CELF2: variants seen among roughly 807,000 people sequenced by gnomAD.
CELF2 encodes the protein CUG triplet repeat RNA-binding protein 2.
CELF2 carries 8 observed loss-of-function variants against 62.6 expected under a neutral mutation model. The ratio of observed to expected loss-of-function variants is 0.13; its 90% CI spans 0.07 to 0.23. The LOEUF is 0.23. Ranked by LOEUF, CELF2 falls within the 10% of genes least tolerant of loss-of-function variation. CELF2 has a pLI of 1.00. For synonymous variants in CELF2, 258 were observed against 250.0 expected (o/e 1.03, Z -0.30); for missense variants, 333 against 671.0 (o/e 0.50, Z 5.56).
At chr10:11,226,388 T>C (rs1336018611) in intron 3 of CELF2, among the ~76,000 whole-genome samples, 1 of 152,186 alleles carries the variant, frequency 6.6e-6, no homozygotes, top group Admixed American at 6.5e-5. Context: ...TCCCGGCAAG[T>C]GGTCCTGGCA....
At chr10:11,004,734 T>G (rs2054907020), upstream of CELF2, among the ~76,000 whole-genome samples, 1 of 152,118 alleles carries the variant, frequency 6.6e-6, no homozygotes, top group African/African-American at 2.4e-5. This position sits in a 1 kb window ranked among gnomAD's most constrained non-coding sequence, Gnocchi z 5.0. Context: ...GTTAAAATAT[T>G]TCCAAATCCT....
chr10:10,759,822 T>C, the CELF2 span, among the ~76,000 whole-genome samples: 3 of 152,292 alleles, frequency 2.0e-5, no homozygotes, highest in South Asian at 6.2e-4. Context: ...TGCAAAATCA[T>C]ACAGAGAAGA....
intron 2 of CELF2, among the ~76,000 whole-genome samples, chr10:10,924,428 C>T (rs1007227269): frequency 6.8e-6 from 1 of 148,080 alleles, no homozygotes; most frequent in Non-Finnish European, 1.5e-5. Flanking sequence ...TGTTTTTCAA[C>T]ATAAACTAAA....
the CELF2 span, among the ~76,000 whole-genome samples, chr10:10,773,174 G>A: frequency 3.3e-5 from 5 of 150,598 alleles, no homozygotes; most frequent in African/African-American, 9.9e-5. Flanking sequence ...AATATGAAAC[G>A]GGAGGGAAAA....
chr10:11,105,811 C>A (rs1045177912), intron 1 of CELF2, among the ~76,000 whole-genome samples: 2 of 152,212 alleles, frequency 1.3e-5, no homozygotes, highest in South Asian at 2.1e-4. Context: ...CAGGCTCCCC[C>A]ACCTGATAGA....
At chr10:11,124,694 G>A (rs1043529791) in intron 1 of CELF2, among the ~76,000 whole-genome samples, 3 of 152,170 alleles carry the variant, frequency 2.0e-5, no homozygotes, top group African/African-American at 7.2e-5. Context: ...TAAGTTCTAA[G>A]CGTACAAGGT....
At position 11,302,488 on chromosome 10, in the gene CELF2, G is replaced by A. The variant is rs2948706; in HGVS notation, c.977-11651G>A. Among the ~76,000 whole-genome samples the A allele has an allele frequency of 0.98, 148,570 of 152,274 alleles. 72,535 individuals are homozygous for A. The highest frequency in any genetic ancestry group is 1 in the Middle Eastern group (294 of 294). ...TTCTCCATTAAATGTGTCTGTGGCTGCAGTGCCCCCAAAGGACAGGATTGG... is the reference window on the plus strand; with the variant it reads ...TTCTCCATTAAATGTGTCTGTGGCTACAGTGCCCCCAAAGGACAGGATTGG... On this transcript the variant is annotated intron_variant, in intron 9 of 12. Coordinates refer to ENST00000633077, the MANE Select transcript of CELF2 (RefSeq NM_001326342.2). The surrounding 1 kb of genome is among the most constrained non-coding windows in gnomAD (Gnocchi z 5.0).
At chr10:10,651,838 G>A in the CELF2 span, among the ~76,000 whole-genome samples, 2 of 151,680 alleles carry the variant, frequency 1.3e-5, no homozygotes, top group Non-Finnish European at 3.0e-5. Context: ...AAGGAACGCA[G>A]TTCCTCACCA....
chr10:11,313,726 T>C (rs1193538897), intron 9 of CELF2, among the ~76,000 whole-genome samples: 3 of 150,418 alleles, frequency 2.0e-5, no homozygotes, highest in African/African-American at 4.9e-5. Context: ...AAAACCTTGG[T>C]AGCAAAACTA....
At chr10:10,637,227 A>G in the CELF2 span, among the ~76,000 whole-genome samples, 4 of 152,326 alleles carry the variant, frequency 2.6e-5, no homozygotes, top group East Asian at 1.9e-4. Flanking sequence ...TTTGCAATCT[A>G]CATCCTGAAG....
the CELF2 span, among the ~76,000 whole-genome samples, chr10:10,752,199 G>T: frequency 2.0e-4 from 31 of 152,166 alleles, no homozygotes; most frequent in Non-Finnish European, 2.6e-4. Flanking sequence ...CCTGGGATCT[G>T]GTCCGTGGAC....
chr10:11,201,508 G>A (rs912838597), intron 2 of CELF2, among the ~76,000 whole-genome samples: 1 of 152,198 alleles, frequency 6.6e-6, no homozygotes, highest in Non-Finnish European at 1.5e-5. Context: ...TCTGTTAAAA[G>A]CTCTGGCTCT....
intron 1 of CELF2, among the ~76,000 whole-genome samples, chr10:10,912,771 C>T (rs2063929027): frequency 1.3e-5 from 2 of 152,154 alleles, no homozygotes; most frequent in African/African-American, 2.4e-5. Flanking sequence ...ACGCATACTC[C>T]CCTGTTGTTC....
chr10:11,006,449 C>T (rs1341409029), intron 1 of CELF2, among the ~76,000 whole-genome samples: 1 of 152,152 alleles, frequency 6.6e-6, no homozygotes, highest in African/African-American at 2.4e-5. Context: ...CTGTTAACTA[C>T]TGAAAGAAAA....
In CELF2 at chr10:10,835,244, C is replaced by T. The variant is rs111905366; in HGVS notation, c.53+36427C>T. On this transcript the variant is annotated intron_variant, in intron 1 of 13. Transcript: ENST00000636488. ...CCTAGCTCACTGCAGCCTCCGTGCT[C>T]GGCTAGTTATTTTTTATTATTATTT... Among the ~76,000 whole-genome samples, 518 of 152,162 alleles carry T rather than the reference C, an allele frequency of 3.4e-3. 4 individuals are homozygous for T. The highest frequency in any genetic ancestry group is 0.013 in the South Asian group (62 of 4,808).
the CELF2 span, among the ~76,000 whole-genome samples, chr10:10,496,662 C>T: frequency 6.6e-6 from 1 of 152,292 alleles, no homozygotes; most frequent in Admixed American, 6.5e-5. Flanking sequence ...ATCCCTATAA[C>T]ATAAGCTAGA....
chr10:11,020,529 A>C (rs1423178226), intron 1 of CELF2, among the ~76,000 whole-genome samples: 1 of 152,156 alleles, frequency 6.6e-6, no homozygotes, highest in African/African-American at 2.4e-5. Flanking sequence ...ATGCGGATTT[A>C]TTGTTTTAGG....
chr10:11,195,218 T>G (rs577361168), intron 2 of CELF2, among the ~76,000 whole-genome samples: 1 of 152,354 alleles, frequency 6.6e-6, no homozygotes, highest in Admixed American at 6.5e-5. Flanking sequence ...TTTACTGTCC[T>G]CTTGCGAGAC....
chr10:10,691,137 C>T, the CELF2 span, among the ~76,000 whole-genome samples: 1 of 151,842 alleles, frequency 6.6e-6, no homozygotes, highest in Non-Finnish European at 1.5e-5. Flanking sequence ...GGTATATCTC[C>T]CAGTGCTATC....
Sources: gnomAD v4.1 joint callset for allele counts (sites outside exome capture counted in the v4.1 genomes callset) on GRCh38, gnomAD v4.1.1 for gene constraint, Gnocchi (gnomAD v3.1) non-coding constraint, MANE v1.5 for transcripts, NCBI Gene and HGNC (gene_info 2026-07-23, HGNC 2026-07-21) for gene names.